The following RAB34 variants were observed in gnomAD, a reference collection of about 807,000 sequenced individuals.
RAB34 encodes the protein RAB34, member RAS oncogene family, also known as ras-related protein Rab-34.
A neutral mutation model predicts 39.0 loss-of-function variants in RAB34; 33 were observed. That is an observed-to-expected ratio of 0.85 (90% CI 0.64 to 1.13). RAB34 has a LOEUF of 1.13. RAB34 is among the 50% of genes most tolerant of loss of function. RAB34 has a pLI of 0.00. For missense variants in RAB34, 289 were observed against 326.1 expected (o/e 0.89, Z 0.88); for synonymous variants, 135 against 125.1 (o/e 1.08, Z -0.53).
chr17:28,714,544 G>C lies in RAB34; in HGVS notation c.*99C>G. On this transcript the variant is annotated 3_prime_UTR_variant, in exon 10 of 10. Transcript: ENST00000395245. ...CCACCAAGAGGCAGCTCTTTGGTCT[G>C]GATAAAGTCAGTGCAAATGTCCAGG... 5.0e-6 allele frequency: 8 copies of C among 1,612,094 alleles called. No homozygotes were observed. Among genetic ancestry groups the C allele is most frequent in the Non-Finnish European group, 6.8e-6 (8 of 1,179,738 alleles).
Position 28,715,518 on chromosome 17 carries a change from G to C in RAB34, c.380-11C>G, listed in dbSNP as rs1318508201. 1 of 1,614,114 alleles carries C rather than the reference G, an allele frequency of 6.2e-7. No homozygotes were observed. Among genetic ancestry groups the C allele is most frequent in the Non-Finnish European group, 8.5e-7 (1 of 1,180,046 alleles). On this transcript the variant is annotated splice_polypyrimidine_tract_variant and intron_variant, in intron 5 of 9. Coordinates refer to ENST00000395245, the MANE Select transcript of RAB34 (RefSeq NM_031934.6). ...AGACAATGATGATGGCTGGAAGAGT[G>C]GCAGAAACAGCCCCAGGTTGACAGG...
rs1567732776 is a variant in RAB34 at position 28,715,846 on chromosome 17, C to T, written c.268G>A (p.Glu90Lys). 2.5e-6 allele frequency: 4 copies of T among 1,613,954 alleles called. No individual in the cohort carries two copies. Among genetic ancestry groups the T allele is most frequent in the Non-Finnish European group, 3.4e-6 (4 of 1,180,008 alleles). ...CCCAGCACCTCAAATCGTTCCATCTCGAAGTCCACTCCAATGGTGGCCTTG... is the reference window on the plus strand; with the variant it reads ...CCCAGCACCTCAAATCGTTCCATCTTGAAGTCCACTCCAATGGTGGCCTTG... ...NYKATIGVDF[E>K]MERFEVLGIP... The change falls in exon 4 of 10, where the codon GAG becomes AAG. Residue 90 changes from glutamate to lysine, a missense_variant. Glu to Lys is a moderately conservative substitution (Grantham distance 56). Transcript: ENST00000395245.
In RAB34 at chr17:28,717,193, G is replaced by C; in HGVS notation, c.54+20C>G. On this transcript the variant is annotated intron_variant, in intron 1 of 9. Coordinates refer to ENST00000395245, the MANE Select transcript of RAB34 (RefSeq NM_031934.6). The stretch of plus-strand genomic sequence containing the variant: ...CACCCCGGGCTGTAGACTGAAGCCC[G>C]ACGTGGCCCCGGCGCCTACCTGGGG... 2 of 1,591,586 alleles carry C rather than the reference G, an allele frequency of 1.3e-6. No homozygotes were observed. The highest frequency in any genetic ancestry group is 1.7e-6 in the Non-Finnish European group (2 of 1,172,964).
At chr17:28,717,901 C>T, upstream of RAB34, 1 of 1,356,130 alleles carries the variant, frequency 7.4e-7, no homozygotes, top group Non-Finnish European at 9.4e-7. Flanking sequence ...GGAGAAGGGC[C>T]GCCCCCCGCC....
In RAB34 at chr17:28,715,238, G is replaced by A. The variant is rs370732433; in HGVS notation, c.470C>T (p.Ser157Phe). 1.2e-6 allele frequency: 2 copies of A among 1,613,818 alleles called. No individual in the cohort carries two copies. The highest frequency in any genetic ancestry group is 1.3e-5 in the African/African-American group (1 of 74,950). Reference protein sequence around the residue: ...LADALKENDPSSVLLFLVGSK... With the variant: ...LADALKENDPFSVLLFLVGSK... ...ACCTACAAGGAAGAGAAGCACACTG[G>A]AAGGGTCATTCTCCTTCAGGGCATC... The change falls in exon 7 of 10, where the codon TCC (serine) becomes TTC (phenylalanine). Residue 157 changes from serine (S) to phenylalanine (F), a missense_variant. Coordinates refer to ENST00000395245, the MANE Select transcript of RAB34 (RefSeq NM_031934.6).
rs569383697 is a variant in RAB34 at position 28,716,756 on chromosome 17, A to C, written c.146+147T>G. 4.5e-6 allele frequency: 4 copies of C among 885,306 alleles called. No homozygotes were observed. The East Asian group carries it at 1.2e-4, about 26-fold the overall frequency. The allele number at this position is 885,306 out of a possible 1,614,324, so 54.8% of individuals were successfully genotyped here. A position where few individuals can be genotyped will look rare whatever the true frequency, so the allele number is the denominator to read the frequency against. ...ACAACAACCTTGTTGGGAGAAAAGG[A>C]GGGGATACAGGGGCTTAAAGAGGGG... is the stretch of plus-strand genomic sequence containing the variant. On this transcript the variant is annotated intron_variant, in intron 2 of 9. Coordinates refer to ENST00000395245, the MANE Select transcript of RAB34 (RefSeq NM_031934.6).
chr17:28,717,185 T>G (rs1056135147), intron 1 of RAB34, 28 bp downstream of exon 1: 21 of 1,587,002 alleles, frequency 1.3e-5, no homozygotes, highest in African/African-American at 2.7e-5. Context: ...GGCTGTAGAC[T>G]GAAGCCCGAC....
At position 28,717,353 on chromosome 17, in the gene RAB34, A is replaced by G; in HGVS notation, c.-87T>C. ...CCGGGCGCGTGGAGACCCGACGATC[A>G]CCCGCGGCCGGGGTGTCCCGACTAC... On this transcript the variant is annotated 5_prime_UTR_variant, in exon 1 of 10. Coordinates refer to ENST00000395245, the MANE Select transcript of RAB34 (RefSeq NM_031934.6). 1 of 1,532,814 alleles carries G rather than the reference A, an allele frequency of 6.5e-7. No homozygotes were observed. The highest frequency in any genetic ancestry group is 8.7e-7 in the Non-Finnish European group (1 of 1,143,874). The allele number at this position is 1,532,814 out of a possible 1,614,324, so 95.0% of individuals were successfully genotyped here. A position where few individuals can be genotyped will look rare whatever the true frequency, so the allele number is the denominator to read the frequency against.
rs765227633 is a variant in RAB34 at position 28,714,807 on chromosome 17, A to G, written c.698T>C (p.Ile233Thr). ...AELEKSGARR[I>T]GDVVRINSDD... ...CAAGCACTCACGGACAACATCCCCA[A>G]TGCGTCGAGCCCCCGATTTCTCCAG... The change falls in exon 9 of 10, where the codon ATT becomes ACT. Residue 233 changes from isoleucine (I) to threonine (T), a missense_variant. Ile to Thr is a moderately conservative substitution (Grantham distance 89, BLOSUM62 -1). Coordinates refer to ENST00000395245, the MANE Select transcript of RAB34 (RefSeq NM_031934.6). 4 of 1,614,082 alleles carry G rather than the reference A, an allele frequency of 2.5e-6. No homozygotes were observed. Among genetic ancestry groups the G allele is most frequent in the Admixed American group, 1.7e-5 (1 of 60,020 alleles).
chr17:28,715,341 A>G, intron 6 of RAB34, 65 bp from the exon 7 acceptor site: 2 of 1,581,294 alleles, frequency 1.3e-6, no homozygotes, highest in Non-Finnish European at 1.7e-6. Context: ...TGACATTCAT[A>G]GGCCCAATTA....
chr17:28,714,720 G>A lies in RAB34; in HGVS notation c.713-10C>T, dbSNP rs1478151800. On this transcript the variant is annotated splice_polypyrimidine_tract_variant and intron_variant, in intron 9 of 9. Coordinates refer to ENST00000395245, the MANE Select transcript of RAB34 (RefSeq NM_031934.6). ...TCATCACTGTTGATGCCTAAAGAAGGGTGGAAAATATGTGAAGCAGGGATT... is the reference window on the plus strand; with the variant it reads ...TCATCACTGTTGATGCCTAAAGAAGAGTGGAAAATATGTGAAGCAGGGATT... The A allele has an allele frequency of 6.2e-7, 1 of 1,614,104 alleles. No homozygotes were observed. The highest frequency in any genetic ancestry group is 1.1e-5 in the South Asian group (1 of 91,082).
rs2033544335 is a variant in RAB34, at chr17:28,716,887, G to T, written c.146+16C>A. 3 of 1,606,346 alleles carry T rather than the reference G, an allele frequency of 1.9e-6. No individual in the cohort carries two copies. Among genetic ancestry groups the T allele is most frequent in the African/African-American group, 2.7e-5 (2 of 74,754 alleles). ...CCTGGGACCTCCTCTCTTTGTTGTG[G>T]GTGTCCCTAACTCACCCCACGGTGC... On this transcript the variant is annotated intron_variant, in intron 2 of 9. Coordinates refer to ENST00000395245, the MANE Select transcript of RAB34 (RefSeq NM_031934.6).
upstream of RAB34, chr17:28,718,417 T>A (rs1177111884): frequency 1.6e-6 from 1 of 610,794 alleles, no homozygotes; most frequent in East Asian, 3.3e-5. Flanking sequence ...TCAAGGCTGC[T>A]GTGTAGATTG....
At position 28,717,800 on chromosome 17, in the gene RAB34, AG is replaced by A; in HGVS notation, c.-535del. On this transcript the variant is annotated 5_prime_UTR_variant, in exon 1 of 10. Coordinates refer to ENST00000395245, the MANE Select transcript of RAB34 (RefSeq NM_031934.6). Reference sequence around the variant, plus strand: ...GCCAAGGCCCGCAGGCCGCTGGAGGAGGGGGCGAGGGGCCCAGTCCGGCTAC... The same window carrying A: ...GCCAAGGCCCGCAGGCCGCTGGAGGAGGGGCGAGGGGCCCAGTCCGGCTAC... 1 of 1,315,732 alleles carries A rather than the reference AG, an allele frequency of 7.6e-7. No homozygotes were observed. The highest frequency in any genetic ancestry group is 3.8e-5 in the Admixed American group (1 of 26,062). 81.5% of individuals were successfully genotyped at this position (1,315,732 alleles called of 1,614,324 possible).
Position 28,714,416 on chromosome 17 carries a change from CTG to C in RAB34, c.*225_*226del. The C allele has an allele frequency of 2.4e-6, 2 of 833,936 alleles. No homozygotes were observed. The highest frequency in any genetic ancestry group is 3.9e-6 in the Non-Finnish European group (2 of 517,382). 51.7% of individuals were successfully genotyped at this position (833,936 alleles called of 1,614,324 possible). On this transcript the variant is annotated 3_prime_UTR_variant, in exon 10 of 10. Transcript: ENST00000395245. ...CTCTCCCTCACTACCACTGGGCGCCCTGGACAGTCCCCTGAGGAGTAGGGGGC... is the reference window on the plus strand; with the variant it reads ...CTCTCCCTCACTACCACTGGGCGCCCGACAGTCCCCTGAGGAGTAGGGGGC...
At chr17:28,716,825 G>T in intron 2 of RAB34, 78 bp downstream of exon 2, 2 of 1,512,982 alleles carry the variant, frequency 1.3e-6, no homozygotes, top group Non-Finnish European at 1.8e-6. Context: ...AAGCCCCAAG[G>T]GGGTGGTTGT....
chr17:28,715,086 G>A lies in RAB34; in HGVS notation c.550C>T (p.Leu184Phe). The A allele has an allele frequency of 6.2e-7, 1 of 1,614,156 alleles. No homozygotes were observed. The highest frequency in any genetic ancestry group is 8.5e-7 in the Non-Finnish European group (1 of 1,180,040). The change falls in exon 8 of 10, where the codon CTC becomes TTC. Residue 184 changes from leucine (L) to phenylalanine (F), a missense_variant. Transcript: ENST00000395245. ...AQYALMEKDA[L>F]QVAQEMKAEY... ...GCCTTCATCTCCTGGGCCACCTGGA[G>A]GGCGTCTTTCTCCATCAGCGCATAC...
Position 28,714,441 on chromosome 17 carries a change from G to T in RAB34, c.*202C>A, listed in dbSNP as rs777894521. 262 of 1,085,342 alleles carry T rather than the reference G, an allele frequency of 2.4e-4. No homozygotes were observed. Among genetic ancestry groups the T allele is most frequent in the Non-Finnish European group, 3.4e-4 (246 of 724,930 alleles). The allele number at this position is 1,085,342 out of a possible 1,614,324, so 67.2% of individuals were successfully genotyped here. A position where few individuals can be genotyped will look rare whatever the true frequency, so the allele number is the denominator to read the frequency against. ...CTGGACAGTCCCCTGAGGAGTAGGG[G>T]GCATCCAGTCTTTGGCACGGTGCCT... On this transcript the variant is annotated 3_prime_UTR_variant, in exon 10 of 10. Coordinates refer to ENST00000395245, the MANE Select transcript of RAB34 (RefSeq NM_031934.6).
At chr17:28,717,899 GCCGCCCC>G (rs1172454134), upstream of RAB34, 7 of 1,357,106 alleles carry the variant, frequency 5.2e-6, no homozygotes, top group Non-Finnish European at 6.6e-6. Context: ...CTGGAGAAGG[GCCGCCCC>G]CCGCCCCTCT....
Sources: gnomAD v4.1 joint callset for allele counts on GRCh38, gnomAD v4.1.1 for gene constraint, MANE v1.5 for transcripts, NCBI Gene and HGNC (gene_info 2026-07-23, HGNC 2026-07-21) for gene names.